The following SCAPER variants were observed in gnomAD, a reference collection of about 807,000 sequenced individuals.
The protein encoded by SCAPER is S-phase cyclin A associated protein in the ER.
Under a neutral mutation model 182.2 loss-of-function variants are expected in SCAPER, and 98 were observed. The observed-to-expected ratio is 0.54, with a 90% CI of 0.46 to 0.64. The LOEUF (loss-of-function observed/expected upper bound fraction) is 0.64, where lower values mean the gene tolerates loss of function less well. Among genes scored for constraint, SCAPER ranks in the 30% least tolerant of loss-of-function variants. The pLI, the probability that SCAPER is intolerant of heterozygous loss-of-function variation, is 0.00. For missense variants in SCAPER, 1,432 were observed against 1,690.0 expected, an observed-to-expected ratio of 0.85 and a Z score of 2.68; for synonymous variants, 605 against 564.6, an observed-to-expected ratio of 1.07 and a Z score of -1.01.
At chr15:76,810,895 A>C (rs2066551933) in intron 5 of SCAPER, among the ~76,000 whole-genome samples, 1 of 152,106 alleles carries the variant, frequency 6.6e-6, no homozygotes, top group African/African-American at 2.4e-5. Context: ...CTAAATTATC[A>C]AAGTAGAATG....
At chr15:76,840,073 T>A (rs1460498313) in intron 5 of SCAPER, among the ~76,000 whole-genome samples, 1 of 152,162 alleles carries the variant, frequency 6.6e-6, no homozygotes, top group Non-Finnish European at 1.5e-5. Flanking sequence ...CGCAACATAC[T>A]GACTCATTAT....
intron 22 of SCAPER, among the ~76,000 whole-genome samples, chr15:76,612,031 C>T (rs192076552): frequency 2.0e-5 from 3 of 152,292 alleles, no homozygotes; most frequent in Admixed American, 6.5e-5. Context: ...TGAAAGCCGG[C>T]ACAAGACAAG....
intron 27 of SCAPER, among the ~76,000 whole-genome samples, chr15:76,382,775 G>A (rs999817092): frequency 2.6e-5 from 4 of 152,074 alleles, no homozygotes; most frequent in Admixed American, 1.3e-4. Flanking sequence ...ATGGGGTAGA[G>A]GGAGATACTT....
At chr15:76,709,416 G>A (rs1041690252) in intron 17 of SCAPER, among the ~76,000 whole-genome samples, 1 of 152,134 alleles carries the variant, frequency 6.6e-6, no homozygotes, top group Non-Finnish European at 1.5e-5. Flanking sequence ...TTACAGACAT[G>A]AGCCACCGCA....
chr15:76,388,431 G>C (rs2043432379), intron 27 of SCAPER, among the ~76,000 whole-genome samples: 2 of 151,842 alleles, frequency 1.3e-5, no homozygotes, highest in African/African-American at 4.8e-5. Context: ...ACTCCAGCCT[G>C]GGTAACACAG....
rs1395896968 is a variant in SCAPER at position 76,765,555 on chromosome 15, C to T, written c.1495+8G>A. On this transcript the variant is annotated splice_region_variant and intron_variant, in intron 12 of 31. Transcript: ENST00000563290. ...GTACTACACACCCAATATGCATATA[C>T]ACAATACCTTCATAATCTGCAAGGA... 6.2e-7 allele frequency: 1 copy of T among 1,600,468 alleles called. No homozygotes were observed. The highest frequency in any genetic ancestry group is 8.5e-7 in the Non-Finnish European group (1 of 1,172,398).
In SCAPER at chr15:76,771,937, CAAT is replaced by C; in HGVS notation, c.1050_1052del (p.Leu351del). ...TACTGCCAGAATTCTTCACATCATC[CAAT>C]GTACTCACTGTGAACTAACAAAACG... On this transcript the variant is annotated inframe_deletion, in exon 10 of 32. Coordinates refer to ENST00000563290, the MANE Select transcript of SCAPER (RefSeq NM_020843.4). 1 of 1,610,002 alleles carries C rather than the reference CAAT, an allele frequency of 6.2e-7. No homozygotes were observed. The highest frequency in any genetic ancestry group is 1.7e-5 in the Admixed American group (1 of 59,970).
At chr15:76,539,896 T>C (rs1347756318) in intron 23 of SCAPER, among the ~76,000 whole-genome samples, 3 of 152,070 alleles carry the variant, frequency 2.0e-5, no homozygotes, top group Admixed American at 2.0e-4. Context: ...GGAAAATAAG[T>C]CCAAGTCCAT....
At chr15:76,828,103 A>C (rs1236957310) in intron 5 of SCAPER, among the ~76,000 whole-genome samples, 1 of 152,070 alleles carries the variant, frequency 6.6e-6, no homozygotes, top group Admixed American at 6.5e-5. Flanking sequence ...GTGATGTCCT[A>C]TGTTGTCTTG....
chr15:76,774,142 A>T (rs1044563275), intron 9 of SCAPER, among the ~76,000 whole-genome samples: 1 of 151,990 alleles, frequency 6.6e-6, no homozygotes, highest in Non-Finnish European at 1.5e-5. Context: ...CCAAGTACTC[A>T]AAGTTAATAA....
intron 22 of SCAPER, among the ~76,000 whole-genome samples, chr15:76,590,008 T>C (rs1000897072): frequency 6.6e-6 from 1 of 152,218 alleles, no homozygotes; most frequent in African/African-American, 2.4e-5. Flanking sequence ...CTTTCACAAT[T>C]TGGGCACTCA....
At chr15:76,378,414 CT>C in intron 28 of SCAPER, among the ~76,000 whole-genome samples, 1 of 152,290 alleles carries the variant, frequency 6.6e-6, no homozygotes, top group East Asian at 1.9e-4. Context: ...TAAAATCTCA[CT>C]TTTGACATGT....
At chr15:76,818,944 G>C (rs976287940) in intron 5 of SCAPER, among the ~76,000 whole-genome samples, 1 of 152,226 alleles carries the variant, frequency 6.6e-6, no homozygotes, top group Non-Finnish European at 1.5e-5. Flanking sequence ...ATTATATCCC[G>C]CACATGGCTC....
intron 23 of SCAPER, among the ~76,000 whole-genome samples, chr15:76,513,667 C>T (rs2042214297): frequency 6.6e-6 from 1 of 152,188 alleles, no homozygotes. Context: ...GCTCTGATTA[C>T]ATTTCTGGAT....
At chr15:76,865,078 T>C (rs1329636262) in intron 2 of SCAPER, among the ~76,000 whole-genome samples, 1 of 152,176 alleles carries the variant, frequency 6.6e-6, no homozygotes, top group African/African-American at 2.4e-5. Flanking sequence ...AGAATTATTA[T>C]TTAAATTACA....
intron 21 of SCAPER, among the ~76,000 whole-genome samples, chr15:76,641,172 A>G (rs1007246156): frequency 3.0e-4 from 45 of 152,114 alleles, no homozygotes; most frequent in African/African-American, 8.7e-4. Context: ...TTTTGCTGCA[A>G]CTGTTACTGC....
At chr15:76,422,767 A>G (rs2046137297) in intron 26 of SCAPER, among the ~76,000 whole-genome samples, 1 of 152,290 alleles carries the variant, frequency 6.6e-6, no homozygotes, top group East Asian at 1.9e-4. Flanking sequence ...TGCCATAGAT[A>G]GCTCTTATTA....
intron 24 of SCAPER, among the ~76,000 whole-genome samples, chr15:76,500,193 C>T (rs1025600126): frequency 5.3e-5 from 8 of 152,300 alleles, no homozygotes; most frequent in Admixed American, 2.0e-4. Flanking sequence ...TTTCACTATA[C>T]CATGCTGTCT....
intron 24 of SCAPER, among the ~76,000 whole-genome samples, chr15:76,493,683 G>C (rs956546452): frequency 6.6e-6 from 1 of 152,168 alleles, no homozygotes; most frequent in Non-Finnish European, 1.5e-5. Context: ...TCTTAAGTAA[G>C]ATCTGGTTAT....
Sources: gnomAD v4.1 joint callset for allele counts (sites outside exome capture counted in the v4.1 genomes callset) on GRCh38, gnomAD v4.1.1 for gene constraint, MANE v1.5 for transcripts, NCBI Gene and HGNC (gene_info 2026-07-23, HGNC 2026-07-21) for gene names.